Variants in PTPRM observed in about 807,000 individuals in gnomAD.
PTPRM encodes the protein receptor-type tyrosine-protein phosphatase mu.
In PTPRM, 47 loss-of-function variants were observed where a neutral mutation model predicts 186.7. That is an observed-to-expected ratio of 0.25 (90% CI 0.20 to 0.32). The LOEUF (loss-of-function observed/expected upper bound fraction) is 0.32. Among genes scored for constraint, PTPRM ranks in the 10% least tolerant of loss-of-function variants. The pLI is 1.00. For synonymous variants in PTPRM, 668 were observed against 674.9 expected (o/e 0.99, Z 0.16); for missense variants, 1,494 against 1,865.0 (o/e 0.80, Z 3.66).
At chr18:8,183,982 C>T (rs572373731) in intron 14 of PTPRM, among the ~76,000 whole-genome samples, 7 of 152,254 alleles carry the variant, frequency 4.6e-5, no homozygotes, top group Middle Eastern at 3.4e-3. Flanking sequence ...TGTGTTCTAT[C>T]CCTGTCTTTA....
At chr18:7,912,598 G>A (rs1323127396) in intron 4 of PTPRM, among the ~76,000 whole-genome samples, 4 of 151,992 alleles carry the variant, frequency 2.6e-5, no homozygotes, top group Admixed American at 6.5e-5. Flanking sequence ...TGCAAGCTCC[G>A]CCTACCGGGT....
intron 7 of PTPRM, among the ~76,000 whole-genome samples, chr18:7,982,233 TTC>T (rs532846493): frequency 1.3e-3 from 196 of 152,218 alleles, no homozygotes; most frequent in Non-Finnish European, 2.4e-3. Context: ...ACAAAATATT[TTC>T]TTTTTTATAT....
intron 1 of PTPRM, among the ~76,000 whole-genome samples, chr18:7,759,624 C>A (rs1017595780): frequency 6.6e-6 from 1 of 152,144 alleles, no homozygotes; most frequent in African/African-American, 2.4e-5. Flanking sequence ...ATGTAATCTG[C>A]ATCAAAATAA....
chr18:7,997,448 A>G (rs748466825), intron 7 of PTPRM, among the ~76,000 whole-genome samples: 1 of 152,186 alleles, frequency 6.6e-6, no homozygotes, highest in Non-Finnish European at 1.5e-5. Context: ...ATGTAGGAGA[A>G]TTGATTTGGT....
chr18:7,799,486 A>G (rs2043841507), intron 2 of PTPRM, among the ~76,000 whole-genome samples: 1 of 152,226 alleles, frequency 6.6e-6, no homozygotes, highest in Non-Finnish European at 1.5e-5. Context: ...TCTATAGATC[A>G]GTTTGGGAGA....
intron 1 of PTPRM, among the ~76,000 whole-genome samples, chr18:7,595,579 G>A (rs951430416): frequency 2.6e-5 from 4 of 152,162 alleles, no homozygotes; most frequent in African/African-American, 7.2e-5. Flanking sequence ...AGCATTGTAA[G>A]GGAGGCCCAG....
intron 7 of PTPRM, among the ~76,000 whole-genome samples, chr18:7,961,513 A>G (rs1001341881): frequency 6.6e-6 from 1 of 152,230 alleles, no homozygotes; most frequent in Admixed American, 6.5e-5. Flanking sequence ...ATTCTTTGTG[A>G]ACTACTTAGA....
chr18:8,101,693 T>G (rs2091297004), intron 11 of PTPRM, among the ~76,000 whole-genome samples: 1 of 152,202 alleles, frequency 6.6e-6, no homozygotes, highest in African/African-American at 2.4e-5. Context: ...ACTTGTCTAC[T>G]CTAACCCCAA....
At chr18:8,326,589 G>A (rs1461547554) in intron 22 of PTPRM, among the ~76,000 whole-genome samples, 15 of 152,090 alleles carry the variant, frequency 9.9e-5, no homozygotes, top group East Asian at 1.9e-4. Flanking sequence ...AAGCACACAC[G>A]TAGACCAACA....
intron 1 of PTPRM, among the ~76,000 whole-genome samples, chr18:7,614,052 G>GCATACATCA (rs1257117854): frequency 1.3e-5 from 2 of 152,184 alleles, no homozygotes; most frequent in Non-Finnish European, 2.9e-5. Flanking sequence ...TGCCGATGGT[G>GCATACATCA]CATACATCAC....
At chr18:7,796,613 A>G (rs1049521488) in intron 2 of PTPRM, among the ~76,000 whole-genome samples, 2 of 152,214 alleles carry the variant, frequency 1.3e-5, no homozygotes, top group African/African-American at 2.4e-5. Context: ...CAAATGCCAC[A>G]GTCCTCTGAG....
At chr18:7,833,046 G>A (rs944818971) in intron 2 of PTPRM, among the ~76,000 whole-genome samples, 1 of 152,100 alleles carries the variant, frequency 6.6e-6, no homozygotes, top group Non-Finnish European at 1.5e-5. Context: ...TTGAAGTCAG[G>A]TAATGTGCTT....
chr18:7,572,772 A>T (rs2036594235), intron 1 of PTPRM, among the ~76,000 whole-genome samples: 1 of 152,212 alleles, frequency 6.6e-6, no homozygotes. Context: ...TACTATCTTT[A>T]TGAATATAAC....
At chr18:8,355,960 G>A (rs1403068217) in intron 23 of PTPRM, among the ~76,000 whole-genome samples, 5 of 152,264 alleles carry the variant, frequency 3.3e-5, no homozygotes, top group East Asian at 1.9e-4. Flanking sequence ...TAGAACCTCC[G>A]ACTCCCAAAG....
At chr18:8,367,865 C>T (rs542203325) in intron 23 of PTPRM, among the ~76,000 whole-genome samples, 6 of 152,184 alleles carry the variant, frequency 3.9e-5, no homozygotes, top group African/African-American at 1.4e-4. Context: ...AAATGGAAGA[C>T]TAGGTGACCA....
intron 1 of PTPRM, among the ~76,000 whole-genome samples, chr18:7,713,653 T>A: frequency 7.4e-6 from 1 of 135,674 alleles, no homozygotes; most frequent in Non-Finnish European, 1.6e-5. Flanking sequence ...ACGCATAGGC[T>A]CAAAATAAAG....
At chr18:7,675,812 G>T (rs147242657) in intron 1 of PTPRM, among the ~76,000 whole-genome samples, 3,143 of 151,078 alleles carry the variant, frequency 0.021, 119 homozygotes, top group African/African-American at 0.073. Flanking sequence ...TCGGCTCACT[G>T]CAACCTCTGC....
chr18:8,165,737 T>C (rs756149060), intron 14 of PTPRM, among the ~76,000 whole-genome samples: 15 of 152,262 alleles, frequency 9.9e-5, no homozygotes, highest in Non-Finnish European at 2.1e-4. Flanking sequence ...CTAGTAACAG[T>C]GAGGGTGGCA....
chr18:8,036,435 G>T (rs138090342), intron 7 of PTPRM, among the ~76,000 whole-genome samples: 1 of 152,200 alleles, frequency 6.6e-6, no homozygotes, highest in Non-Finnish European at 1.5e-5. Context: ...GGGAACCCAG[G>T]CTGTAGGTAG....
Sources: gnomAD v4.1 joint callset for allele counts (sites outside exome capture counted in the v4.1 genomes callset) on GRCh38, gnomAD v4.1.1 for gene constraint, MANE v1.5 for transcripts, NCBI Gene and HGNC (gene_info 2026-07-23, HGNC 2026-07-21) for gene names.